The following SLC38A4 variants were observed in gnomAD, a reference collection of about 807,000 sequenced individuals.
SLC38A4 encodes the protein solute carrier family 38 member 4, also known as sodium-coupled neutral amino acid transporter 4.
A neutral mutation model predicts 63.1 loss-of-function variants in SLC38A4; 20 were observed. The observed-to-expected ratio is 0.32, with a 90% CI of 0.22 to 0.46. SLC38A4 has a LOEUF of 0.46. Among genes scored for constraint, SLC38A4 ranks in the 20% least tolerant of loss-of-function variants. SLC38A4 has a pLI of 1.00. For synonymous variants in SLC38A4, 230 were observed against 225.5 expected (o/e 1.02, Z -0.18); for missense variants, 526 against 663.6 (o/e 0.79, Z 2.28).
intron 1 of SLC38A4, among the ~76,000 whole-genome samples, chr12:46,814,715 G>A (rs4447249): frequency 0.17 from 25,248 of 151,866 alleles, 3,470 homozygotes; most frequent in African/African-American, 0.38. Flanking sequence ...GCATGGATTA[G>A]CTGGCAGCAA....
chr12:46,815,240 GATATATATAT>G lies in SLC38A4; in HGVS notation c.-305+10653_-305+10662del, dbSNP rs56368111. ...TTTCAAGGATTATAAATGGCTAAAG[GATATATATAT>G]ATATATATATATATATATATATATA... On this transcript the variant is annotated intron_variant, in intron 1 of 16. Coordinates refer to ENST00000266579, the MANE Select transcript of SLC38A4 (RefSeq NM_018018.5). Among the ~76,000 whole-genome samples, 615 of 89,564 alleles carry G rather than the reference GATATATATAT, an allele frequency of 6.9e-3. 3 individuals are homozygous for G. Among genetic ancestry groups the G allele is most frequent in the East Asian group, 0.013 (39 of 3,084 alleles). The allele number at this position is 89,564 out of a possible 152,430, so 58.8% of individuals were successfully genotyped here.
intron 7 of SLC38A4, among the ~76,000 whole-genome samples, chr12:46,783,877 C>T (rs943675940): frequency 1.3e-5 from 2 of 151,662 alleles, no homozygotes; most frequent in Non-Finnish European, 2.9e-5. Flanking sequence ...CTTCTGAGGG[C>T]CAAAGACACA....
chr12:46,818,624 C>A (rs1268783508), intron 1 of SLC38A4, among the ~76,000 whole-genome samples: 1 of 151,790 alleles, frequency 6.6e-6, no homozygotes, highest in Non-Finnish European at 1.5e-5. Flanking sequence ...TATCCAATAT[C>A]AACTGTGGCC....
At chr12:46,828,532 A>C (rs1265238186), upstream of SLC38A4, among the ~76,000 whole-genome samples, 1 of 152,166 alleles carries the variant, frequency 6.6e-6, no homozygotes, top group East Asian at 1.9e-4. Flanking sequence ...CATATTGGTC[A>C]GGCTGGTCTG....
intron 7 of SLC38A4, among the ~76,000 whole-genome samples, chr12:46,783,774 A>G (rs1938699391): frequency 6.6e-6 from 1 of 151,922 alleles, no homozygotes; most frequent in African/African-American, 2.4e-5. Flanking sequence ...ACTGGGTAGG[A>G]GGTGAGGGAG....
At chr12:46,808,860 T>C (rs919379948) in intron 1 of SLC38A4, among the ~76,000 whole-genome samples, 2 of 152,082 alleles carry the variant, frequency 1.3e-5, no homozygotes, top group African/African-American at 2.4e-5. Flanking sequence ...TTATAATAAG[T>C]ATAACAATAC....
rs560319843 is a variant in SLC38A4, at chr12:46,778,697, G to A, written c.797C>T (p.Thr266Met). The change falls in exon 11 of 17, where the codon ACG (threonine) becomes ATG (methionine). Residue 266 changes from threonine (T) to methionine (M), a missense_variant. Physicochemically the swap from Thr to Met is moderately conservative, Grantham distance 81 (BLOSUM62 -1). Transcript: ENST00000266579. The stretch of plus-strand genomic sequence containing the variant: ...TAACATTACCACATGCATTGGAAGC[G>A]TGTTGTTGAATGACAGATTTCCAAC... ...HSVGNLSFNN[T>M]LPMHVVMLPN... 6.8e-6 allele frequency: 11 copies of A among 1,612,678 alleles called. No individual in the cohort carries two copies. Among genetic ancestry groups the A allele is most frequent in the South Asian group, 4.4e-5 (4 of 91,054 alleles).
intron 14 of SLC38A4, among the ~76,000 whole-genome samples, chr12:46,773,325 A>C (rs1428339034): frequency 6.6e-6 from 1 of 152,140 alleles, no homozygotes; most frequent in Non-Finnish European, 1.5e-5. Flanking sequence ...GTCACTGTGC[A>C]CATCACCAAG....
In SLC38A4 at chr12:46,793,140, C is replaced by G; in HGVS notation, c.-69G>C. 1 of 1,084,594 alleles carries G rather than the reference C, an allele frequency of 9.2e-7. No individual in the cohort carries two copies. The highest frequency in any genetic ancestry group is 2.4e-5 in the East Asian group (1 of 41,934). 67.2% of individuals were successfully genotyped at this position (1,084,594 alleles called of 1,614,324 possible). ...TGTAAATAATATACTGTACCTTCAGCTTAAGGTTCTTCCACTTTGTGTTGA... is the reference window on the plus strand; with the variant it reads ...TGTAAATAATATACTGTACCTTCAGGTTAAGGTTCTTCCACTTTGTGTTGA... On this transcript the variant is annotated 5_prime_UTR_variant, in exon 3 of 17. Coordinates refer to ENST00000266579, the MANE Select transcript of SLC38A4 (RefSeq NM_018018.5).
intron 1 of SLC38A4, among the ~76,000 whole-genome samples, chr12:46,832,175 AG>A (rs2120949604): frequency 6.6e-6 from 1 of 152,168 alleles, no homozygotes; most frequent in South Asian, 2.1e-4. Flanking sequence ...CCCAGACATA[AG>A]CCCCAGATGA....
At chr12:46,815,686 C>T (rs76574446) in intron 1 of SLC38A4, among the ~76,000 whole-genome samples, 10,487 of 151,772 alleles carry the variant, frequency 0.069, 388 homozygotes, top group South Asian at 0.13. Context: ...TTCAGAATAA[C>T]GATCAAATAT....
At chr12:46,806,064 G>A (rs372152608) in intron 1 of SLC38A4, among the ~76,000 whole-genome samples, 5 of 151,636 alleles carry the variant, frequency 3.3e-5, no homozygotes, top group South Asian at 2.1e-4. Flanking sequence ...ACCTTGAGCC[G>A]GCTATTAAAA....
intron 12 of SLC38A4, among the ~76,000 whole-genome samples, chr12:46,778,085 G>A (rs371900872): frequency 5.9e-5 from 9 of 151,946 alleles, no homozygotes; most frequent in African/African-American, 2.2e-4. Context: ...CATTATGGTG[G>A]AGAGAAAGGA....
chr12:46,823,319 A>G (rs577976949), intron 1 of SLC38A4, among the ~76,000 whole-genome samples: 4 of 152,342 alleles, frequency 2.6e-5, no homozygotes, highest in Non-Finnish European at 4.4e-5. Flanking sequence ...TATGACCCAG[A>G]AGAACAGCCT....
At position 46,778,490 on chromosome 12, in the gene SLC38A4, C is replaced by T. The variant is rs368607022; in HGVS notation, c.993+11G>A. 6.2e-6 allele frequency: 10 copies of T among 1,610,154 alleles called. No homozygotes were observed. The highest frequency in any genetic ancestry group is 5.5e-5 in the South Asian group (5 of 90,972). On this transcript the variant is annotated intron_variant, in intron 11 of 16. Coordinates refer to ENST00000266579, the MANE Select transcript of SLC38A4 (RefSeq NM_018018.5). Reference sequence around the variant, plus strand: ...AACTGTACTCATTAGAAGCCCGGACCGCTCACTTACCCGGGAGTTGAATAC... The same window carrying T: ...AACTGTACTCATTAGAAGCCCGGACTGCTCACTTACCCGGGAGTTGAATAC...
chr12:46,809,467 A>G (rs1939298924), intron 1 of SLC38A4, among the ~76,000 whole-genome samples: 1 of 151,986 alleles, frequency 6.6e-6, no homozygotes, highest in Non-Finnish European at 1.5e-5. Flanking sequence ...TTCTGCCTGA[A>G]AAGCTTATTT....
chr12:46,780,071 C>T, intron 7 of SLC38A4, 41 bp from the exon 8 acceptor site: 1 of 1,463,704 alleles, frequency 6.8e-7, no homozygotes, highest in African/African-American at 1.4e-5. Flanking sequence ...GTGGACAGTA[C>T]TGAAGTCACA....
chr12:46,830,312 A>T (rs1457262654), upstream of SLC38A4, among the ~76,000 whole-genome samples: 24 of 152,016 alleles, frequency 1.6e-4, no homozygotes, highest in African/African-American at 3.6e-4. Context: ...ACACACACAC[A>T]CACACACACA....
intron 1 of SLC38A4, among the ~76,000 whole-genome samples, chr12:46,813,446 T>C (rs766260018): frequency 5.7e-4 from 86 of 152,094 alleles, no homozygotes; most frequent in Non-Finnish European, 9.4e-4. Flanking sequence ...ACACATTGAC[T>C]CTGGAGTTCA....
Sources: gnomAD v4.1 joint callset for allele counts (sites outside exome capture counted in the v4.1 genomes callset) on GRCh38, gnomAD v4.1.1 for gene constraint, MANE v1.5 for transcripts, NCBI Gene and HGNC (gene_info 2026-07-23, HGNC 2026-07-21) for gene names.